The following SMIM14 variants were observed in gnomAD, a reference collection of about 807,000 sequenced individuals.
The protein encoded by SMIM14 is small integral membrane protein 14.
A neutral mutation model predicts 12.6 loss-of-function variants in SMIM14; 5 were observed. That is an observed-to-expected ratio of 0.40 (90% CI 0.21 to 0.83). The LOEUF is 0.83. Among genes scored for constraint, SMIM14 ranks in the 40% least tolerant of loss-of-function variants. The pLI is 0.37. For synonymous variants in SMIM14, 30 were observed against 40.1 expected (o/e 0.75, Z 0.95); for missense variants, 86 against 119.1 (o/e 0.72, Z 1.29).
At chr4:39,601,258 C>T (rs1714600543) in intron 2 of SMIM14, among the ~76,000 whole-genome samples, 1 of 152,086 alleles carries the variant, frequency 6.6e-6, no homozygotes, top group Non-Finnish European at 1.5e-5. Flanking sequence ...TCAAGTTTCT[C>T]CAGGTGTCTA....
At chr4:39,607,833 A>G (rs139805723) in intron 1 of SMIM14, among the ~76,000 whole-genome samples, 228 of 152,368 alleles carry the variant, frequency 1.5e-3, no homozygotes, top group African/African-American at 5.3e-3. Context: ...CTATAACTCA[A>G]TAACAAAAGA....
At chr4:39,589,638 C>A (rs1159556442) in intron 2 of SMIM14, 1 of 152,116 alleles carries the variant, frequency 6.6e-6, no homozygotes, top group East Asian at 1.9e-4. Context: ...GCCAGTGAAG[C>A]AGAACAACAG....
At chr4:39,598,479 A>G (rs1368012575) in intron 2 of SMIM14, among the ~76,000 whole-genome samples, 1 of 151,974 alleles carries the variant, frequency 6.6e-6, no homozygotes, top group East Asian at 1.9e-4. Context: ...TGATTTTTCC[A>G]TGTTAAATAC....
chr4:39,627,342 C>A (rs751126402), intron 1 of SMIM14, among the ~76,000 whole-genome samples: 1 of 152,084 alleles, frequency 6.6e-6, no homozygotes, highest in Non-Finnish European at 1.5e-5. Flanking sequence ...TTTTCTTTAC[C>A]TCTATCTGAC....
At chr4:39,605,242 A>G in intron 1 of SMIM14, 62 bp from the exon 2 acceptor site, 1 of 943,082 alleles carries the variant, frequency 1.1e-6, no homozygotes, top group Non-Finnish European at 1.6e-6. Context: ...CTCTTGAGCT[A>G]TGAAAAATTC....
At chr4:39,602,475 A>G (rs1213858922) in intron 2 of SMIM14, among the ~76,000 whole-genome samples, 1 of 152,030 alleles carries the variant, frequency 6.6e-6, no homozygotes, top group African/African-American at 2.4e-5. Context: ...GGCGCCTGTA[A>G]TTCCAGCTGC....
intron 1 of SMIM14, among the ~76,000 whole-genome samples, chr4:39,622,616 G>C (rs1054120546): frequency 6.6e-6 from 1 of 152,112 alleles, no homozygotes; most frequent in African/African-American, 2.4e-5. Flanking sequence ...GGCCAGGCTC[G>C]TCTGAAACTC....
intron 3 of SMIM14, among the ~76,000 whole-genome samples, chr4:39,569,107 G>C (rs1712732748): frequency 1.3e-5 from 2 of 152,100 alleles, no homozygotes; most frequent in African/African-American, 4.8e-5. Context: ...TACCTGTTGA[G>C]GCAAATATTT....
At chr4:39,585,682 A>C (rs529983341) in intron 2 of SMIM14, among the ~76,000 whole-genome samples, 1 of 152,104 alleles carries the variant, frequency 6.6e-6, no homozygotes, top group Non-Finnish European at 1.5e-5. Flanking sequence ...GCTAATATCA[A>C]AAGATTAAAG....
chr4:39,616,286 C>T (rs1175362441), intron 1 of SMIM14, among the ~76,000 whole-genome samples: 1 of 152,196 alleles, frequency 6.6e-6, no homozygotes, highest in Admixed American at 6.5e-5. Flanking sequence ...CAGGCGTGTG[C>T]CACCATACCT....
At chr4:39,567,625 T>C (rs1429924086) in intron 3 of SMIM14, among the ~76,000 whole-genome samples, 1 of 151,990 alleles carries the variant, frequency 6.6e-6, no homozygotes, top group Non-Finnish European at 1.5e-5. Context: ...TAATCCCAGC[T>C]ACTCAGGAGG....
At chr4:39,631,749 G>A (rs1362324788) in intron 1 of SMIM14, among the ~76,000 whole-genome samples, 1 of 152,140 alleles carries the variant, frequency 6.6e-6, no homozygotes, top group Non-Finnish European at 1.5e-5. Context: ...CCAGGAAGAT[G>A]CTTACTGCAT....
chr4:39,619,029 A>G (rs921009472), intron 1 of SMIM14, among the ~76,000 whole-genome samples: 5 of 152,118 alleles, frequency 3.3e-5, no homozygotes, highest in Non-Finnish European at 7.4e-5. Context: ...TATATGTGAT[A>G]TACTATCTCT....
intron 1 of SMIM14, among the ~76,000 whole-genome samples, chr4:39,605,989 C>T (rs1225242978): frequency 2.6e-5 from 4 of 152,114 alleles, no homozygotes; most frequent in South Asian, 2.1e-4. Flanking sequence ...CTGCCCACCT[C>T]GGCCTCCCAA....
rs150006812 is a variant in SMIM14 at position 39,552,233 on chromosome 4, T to A, written c.268-75A>T. On this transcript the variant is annotated intron_variant, in intron 4 of 4. Coordinates refer to ENST00000295958, the MANE Select transcript of SMIM14 (RefSeq NM_174921.3). ...AAAAATTTAAAATTTATTACTTTTT[T>A]AAAAATTGACTTATTAAATCCCAGT... 1.4e-4 allele frequency: 183 copies of A among 1,320,680 alleles called. 3 individuals are homozygous for A. The East Asian group carries it at 1.4e-3, about 10-fold the overall frequency. 81.8% of individuals were successfully genotyped at this position (1,320,680 alleles called of 1,614,324 possible). A position where few individuals can be genotyped will look rare whatever the true frequency, so the allele number is the denominator to read the frequency against.
chr4:39,555,475 C>T (rs796431319), intron 4 of SMIM14, among the ~76,000 whole-genome samples: 18 of 152,236 alleles, frequency 1.2e-4, no homozygotes, highest in African/African-American at 4.1e-4. Flanking sequence ...TCAGGTGATC[C>T]GCCCCCCTTG....
chr4:39,556,530 C>G lies in SMIM14; in HGVS notation c.165G>C (p.Met55Ile). Residue 55 changes from methionine to isoleucine, a missense_variant, in exon 4 of 5, where the codon ATG becomes ATC. Physicochemically the swap from Met to Ile is conservative, Grantham distance 10. Transcript: ENST00000295958. ...PSGDNGISVTMILVAWMVIAL... is the reference protein window; with the variant it reads ...PSGDNGISVTIILVAWMVIAL... Reference sequence around the variant, plus strand: ...CAATAACCATCCAGGCTACCAAGATCATTGTAACACTGATGCCATTATCAC... The same window carrying G: ...CAATAACCATCCAGGCTACCAAGATGATTGTAACACTGATGCCATTATCAC... The G allele has an allele frequency of 6.2e-7, 1 of 1,613,026 alleles. No homozygotes were observed.
intron 1 of SMIM14, among the ~76,000 whole-genome samples, chr4:39,619,850 T>TTATATATATATATATATA (rs1186064721): frequency 1.4e-5 from 1 of 70,136 alleles, no homozygotes; most frequent in African/African-American, 8.4e-5. Flanking sequence ...ATATATATAT[T>TTATATATATATATATATA]TATATATATT....
chr4:39,576,047 C>T (rs1233118997), intron 2 of SMIM14, among the ~76,000 whole-genome samples: 1 of 151,796 alleles, frequency 6.6e-6, no homozygotes, highest in Non-Finnish European at 1.5e-5. Context: ...GCATGCCCCA[C>T]CATGCCTGGC....
Sources: allele counts gnomAD v4.1 joint callset (sites outside exome capture counted in the v4.1 genomes callset), GRCh38; gene constraint gnomAD v4.1.1; transcripts MANE v1.5; gene names NCBI Gene and HGNC (gene_info 2026-07-23, HGNC 2026-07-21).